PTBP2: variants seen among roughly 807,000 people sequenced by gnomAD.
PTBP2 encodes the protein polypyrimidine tract binding protein 2.
A neutral mutation model predicts 61.4 loss-of-function variants in PTBP2; 13 were observed. The observed-to-expected ratio is 0.21, with a 90% CI of 0.14 to 0.34. The LOEUF is 0.34. Among genes scored for constraint, PTBP2 ranks in the 10% least tolerant of loss-of-function variants. The pLI, the probability that PTBP2 is intolerant of heterozygous loss-of-function variation, is 1.00. For missense variants in PTBP2, 405 were observed against 642.6 expected (o/e 0.63, Z 4.00); for synonymous variants, 215 against 218.5 (o/e 0.98, Z 0.14).
At chr1:96,723,295 A>G (rs1441635661) in intron 1 of PTBP2, among the ~76,000 whole-genome samples, 6 of 152,212 alleles carry the variant, frequency 3.9e-5, no homozygotes, top group Admixed American at 1.3e-4. Context: ...TAGAAATGGC[A>G]TAGTGTTTTG....
chr1:96,737,147 T>C (rs1652326738), intron 2 of PTBP2, among the ~76,000 whole-genome samples: 1 of 151,932 alleles, frequency 6.6e-6, no homozygotes, highest in Non-Finnish European at 1.5e-5. Flanking sequence ...ACCCGGCTAA[T>C]TTTTTGTATT....
At chr1:96,812,586 A>G (rs140466137) in intron 11 of PTBP2, 126 bp from the exon 12 acceptor site, 78 of 774,710 alleles carry the variant, frequency 1.0e-4, no homozygotes, top group African/African-American at 1.0e-3. Context: ...ACCAGTGGCT[A>G]TGGTAAATTG....
intron 8 of PTBP2, among the ~76,000 whole-genome samples, chr1:96,797,663 A>G (rs1187606566): frequency 1.3e-5 from 2 of 152,076 alleles, no homozygotes; most frequent in African/African-American, 4.8e-5. Context: ...AGTTCCTTGC[A>G]TAAAATGGTA....
In PTBP2 at chr1:96,799,294, C is replaced by CTTTTTTTTTTTTTTTT. The variant is rs373815292; in HGVS notation, c.905-5502_905-5487dup. Among the ~76,000 whole-genome samples the CTTTTTTTTTTTTTTTT allele has an allele frequency of 9.7e-4, 89 of 92,160 alleles. 10 individuals carry two copies. Among genetic ancestry groups the CTTTTTTTTTTTTTTTT allele is most frequent in the African/African-American group, 1.2e-3 (25 of 20,654 alleles). 60.5% of individuals were successfully genotyped at this position (92,160 alleles called of 152,430 possible). A position where few individuals can be genotyped will look rare whatever the true frequency, so the allele number is the denominator to read the frequency against. The stretch of plus-strand genomic sequence containing the variant: ...ATAGCAATCCTCAGAATAGATCAAG[C>CTTTTTTTTTTTTTTTT]TTTTTTTTTTTTTTTTTTTGAGATG... On this transcript the variant is annotated intron_variant, in intron 8 of 13. Coordinates refer to ENST00000674951, the MANE Select transcript of PTBP2 (RefSeq NM_021190.4).
chr1:96,772,208 C>G (rs1468060773), intron 5 of PTBP2, among the ~76,000 whole-genome samples: 2 of 152,122 alleles, frequency 1.3e-5, no homozygotes, highest in Admixed American at 6.5e-5. Flanking sequence ...CATTAATTTG[C>G]TAGAGCAGCA....
intron 8 of PTBP2, among the ~76,000 whole-genome samples, chr1:96,799,360 A>G (rs1660743768): frequency 7.8e-6 from 1 of 128,676 alleles, no homozygotes; most frequent in African/African-American, 3.1e-5. Context: ...CAATGGTGCG[A>G]TCTCGGCTCA....
intron 13 of PTBP2, 67 bp from the exon 14 acceptor site, chr1:96,813,209 T>TGG: frequency 1.3e-6 from 2 of 1,552,416 alleles, no homozygotes; most frequent in Non-Finnish European, 1.7e-6. Flanking sequence ...ATGGCCAAAA[T>TGG]TCAAGTATTT....
intron 13 of PTBP2, 77 bp downstream of exon 13, chr1:96,813,183 A>C: frequency 1.9e-6 from 3 of 1,542,432 alleles, no homozygotes; most frequent in Non-Finnish European, 2.6e-6. Flanking sequence ...CGTTTATAGA[A>C]ATTTTTGATT....
chr1:96,815,633 C>T (rs186162853), downstream of PTBP2: 115 of 152,180 alleles, frequency 7.6e-4, no homozygotes, highest in African/African-American at 2.7e-3. Flanking sequence ...TTATGCAAAA[C>T]TTACACATAG....
At chr1:96,819,797 A>G (rs572786655), downstream of PTBP2, 2 of 151,670 alleles carry the variant, frequency 1.3e-5, no homozygotes, top group Admixed American at 6.6e-5. Flanking sequence ...AGTGATTTAC[A>G]TGAAGCATTC....
In PTBP2 at chr1:96,722,542, T is replaced by G. The variant is rs371079943; in HGVS notation, c.8+670T>G. On this transcript the variant is annotated intron_variant, in intron 1 of 13. Transcript: ENST00000674951. The stretch of plus-strand genomic sequence containing the variant: ...AGTGGGGGCGGGAGGGAGGAAAAAA[T>G]GCCTTTTTGTGGGGACTGAAAACAT... Among the ~76,000 whole-genome samples, 13 of 152,096 alleles carry G rather than the reference T, an allele frequency of 8.5e-5. 1 individual carries two copies. Among genetic ancestry groups the G allele is most frequent in the African/African-American group, 3.1e-4 (13 of 41,488 alleles).
chr1:96,772,752 G>A (rs532714645), intron 5 of PTBP2, among the ~76,000 whole-genome samples: 6 of 152,160 alleles, frequency 3.9e-5, no homozygotes, highest in Non-Finnish European at 8.8e-5. Context: ...TTTCTAGTTC[G>A]TTATTATTTA....
chr1:96,722,195 C>T (rs944356517), intron 1 of PTBP2, among the ~76,000 whole-genome samples: 1 of 152,008 alleles, frequency 6.6e-6, no homozygotes, highest in Non-Finnish European at 1.5e-5. Flanking sequence ...CTGTCCCTGC[C>T]CCCTCTAGGA....
intron 8 of PTBP2, among the ~76,000 whole-genome samples, chr1:96,791,817 G>A (rs1659826765): frequency 9.2e-6 from 1 of 108,294 alleles, no homozygotes; most frequent in Non-Finnish European, 1.8e-5. Flanking sequence ...TCTGTTGCTT[G>A]GAGTTGTGCT....
At chr1:96,750,176 T>C (rs2100905380) in intron 2 of PTBP2, among the ~76,000 whole-genome samples, 1 of 152,120 alleles carries the variant, frequency 6.6e-6, no homozygotes, top group Non-Finnish European at 1.5e-5. Flanking sequence ...AGGTCTAATC[T>C]TAGGATTAGG....
At chr1:96,809,996 A>G (rs1257767759) in intron 11 of PTBP2, among the ~76,000 whole-genome samples, 1 of 152,182 alleles carries the variant, frequency 6.6e-6, no homozygotes, top group Non-Finnish European at 1.5e-5. Flanking sequence ...AAGATTGATT[A>G]AAAAATGAGA....
chr1:96,749,613 G>C (rs956673096), intron 2 of PTBP2: 9 of 455,286 alleles, frequency 2.0e-5, no homozygotes, highest in Non-Finnish European at 3.5e-5. Flanking sequence ...CTTTGATTTT[G>C]TATGTGGAGT....
chr1:96,732,908 T>C (rs1570710742), intron 2 of PTBP2, among the ~76,000 whole-genome samples: 2 of 152,190 alleles, frequency 1.3e-5, no homozygotes, highest in Non-Finnish European at 2.9e-5. Flanking sequence ...AGATAGGTTA[T>C]ATAGAAGACC....
intron 8 of PTBP2, among the ~76,000 whole-genome samples, chr1:96,800,593 G>C (rs1230229205): frequency 6.6e-6 from 1 of 151,964 alleles, no homozygotes; most frequent in Non-Finnish European, 1.5e-5. Context: ...AATTAGCCAT[G>C]CCTGGTGGCA....
Sources: gnomAD v4.1 joint callset for allele counts (sites outside exome capture counted in the v4.1 genomes callset) on GRCh38, gnomAD v4.1.1 for gene constraint, MANE v1.5 for transcripts, NCBI Gene and HGNC (gene_info 2026-07-23, HGNC 2026-07-21) for gene names.